Variants in CAMTA1 observed in about 807,000 individuals in gnomAD.
The protein encoded by CAMTA1 is calmodulin binding transcription activator 1.
CAMTA1 carries 27 observed loss-of-function variants against 170.9 expected under a neutral mutation model. The observed-to-expected ratio is 0.16, with a 90% CI of 0.12 to 0.22. The LOEUF (loss-of-function observed/expected upper bound fraction) is 0.22. Among genes scored for constraint, CAMTA1 ranks in the 10% least tolerant of loss-of-function variants. The probability of loss-of-function intolerance (pLI) is 1.00; values close to 1 mark genes in which losing one functional copy is unlikely to be tolerated. For synonymous variants in CAMTA1, 833 were observed against 891.5 expected, an observed-to-expected ratio of 0.93 and a Z score of 1.17; for missense variants, 1,619 against 2,217.2, an observed-to-expected ratio of 0.73 and a Z score of 5.42.
intron 5 of CAMTA1, among the ~76,000 whole-genome samples, chr1:7,275,632 T>C (rs1263084787): frequency 6.6e-6 from 1 of 152,062 alleles, no homozygotes; most frequent in African/African-American, 2.4e-5. Flanking sequence ...AAGGATATCA[T>C]GAAAATTTTA....
At chr1:7,678,614 A>G (rs2096149267) in intron 11 of CAMTA1, among the ~76,000 whole-genome samples, 1 of 152,182 alleles carries the variant, frequency 6.6e-6, no homozygotes, top group African/African-American at 2.4e-5. Flanking sequence ...GAGCTAGCCA[A>G]GGCCTGGGGG....
intron 4 of CAMTA1, among the ~76,000 whole-genome samples, chr1:7,126,708 C>G (rs1025835986): frequency 6.6e-6 from 1 of 152,190 alleles, no homozygotes; most frequent in Non-Finnish European, 1.5e-5. Context: ...GCTTGCAACA[C>G]CTATTTGGAA....
chr1:7,421,619 C>A (rs993964480), intron 5 of CAMTA1, among the ~76,000 whole-genome samples: 1 of 152,198 alleles, frequency 6.6e-6, no homozygotes, highest in Non-Finnish European at 1.5e-5. Flanking sequence ...ACGGCCTCCC[C>A]CTCTTGGGCT....
rs140951226 is a variant in CAMTA1, at chr1:6,918,780, C to T, written c.234+93570C>T. 3.3e-3 allele frequency among the ~76,000 whole-genome samples: 509 copies of T among 152,294 alleles called. 4 individuals are homozygous for T. Among genetic ancestry groups the T allele is most frequent in the Non-Finnish European group, 4.9e-3 (335 of 68,036 alleles). On this transcript the variant is annotated intron_variant, in intron 3 of 22. Coordinates refer to ENST00000303635, the MANE Select transcript of CAMTA1 (RefSeq NM_015215.4). This position sits in a 1 kb window ranked among gnomAD's most constrained non-coding sequence, Gnocchi z 4.0. ...AACACTCAAGTTCAGTCATGCCCACCGCGTTCCCCCAGCCTGTCACCCTGT... is the reference window on the plus strand; with the variant it reads ...AACACTCAAGTTCAGTCATGCCCACTGCGTTCCCCCAGCCTGTCACCCTGT...
chr1:6,936,533 C>A (rs1056895150), intron 3 of CAMTA1, among the ~76,000 whole-genome samples: 22 of 152,078 alleles, frequency 1.4e-4, no homozygotes, highest in Non-Finnish European at 2.8e-4. Context: ...GCTCATTTCT[C>A]CTGACCTTCT....
intron 6 of CAMTA1, among the ~76,000 whole-genome samples, chr1:7,577,514 A>G (rs899827651): frequency 4.6e-5 from 7 of 151,824 alleles, no homozygotes; most frequent in Non-Finnish European, 1.0e-4. Flanking sequence ...AGGAAGTCCC[A>G]TCTAGACACG....
At chr1:7,544,990 G>A (rs1320740400) in intron 6 of CAMTA1, among the ~76,000 whole-genome samples, 1 of 152,040 alleles carries the variant, frequency 6.6e-6, no homozygotes, top group Admixed American at 6.6e-5. Context: ...CCCCAACACT[G>A]CCACACTGGA....
intron 5 of CAMTA1, among the ~76,000 whole-genome samples, chr1:7,319,647 G>T (rs1678064532): frequency 6.6e-6 from 1 of 152,140 alleles, no homozygotes; most frequent in African/African-American, 2.4e-5. Flanking sequence ...CACATACTGG[G>T]CATCAGGATA....
At chr1:6,905,743 C>G (rs886737873) in intron 3 of CAMTA1, among the ~76,000 whole-genome samples, 1 of 152,204 alleles carries the variant, frequency 6.6e-6, no homozygotes, top group Non-Finnish European at 1.5e-5. Context: ...ATAGTTCATG[C>G]AAGTATCTGT....
chr1:7,376,781 C>T (rs757167789), intron 5 of CAMTA1, among the ~76,000 whole-genome samples: 36 of 152,148 alleles, frequency 2.4e-4, no homozygotes, highest in Non-Finnish European at 4.0e-4. Flanking sequence ...CTCTTTTGCC[C>T]TGGAGATGGA....
intron 6 of CAMTA1, among the ~76,000 whole-genome samples, chr1:7,479,572 C>T (rs74053033): frequency 0.017 from 2,617 of 152,308 alleles, 72 homozygotes; most frequent in African/African-American, 0.06. Context: ...CAGCCATGAG[C>T]CCAGGGTGTG....
intron 4 of CAMTA1, among the ~76,000 whole-genome samples, chr1:7,145,576 C>T (rs952617621): frequency 6.6e-6 from 1 of 152,132 alleles, no homozygotes. Flanking sequence ...TAAAGCCCTT[C>T]CTAGCCTTCC....
intron 6 of CAMTA1, among the ~76,000 whole-genome samples, chr1:7,481,740 A>C (rs1290505158): frequency 6.6e-6 from 1 of 150,778 alleles, no homozygotes; most frequent in Non-Finnish European, 1.5e-5. Context: ...GCCACAGCAC[A>C]CCTCCCCCAA....
intron 3 of CAMTA1, among the ~76,000 whole-genome samples, chr1:6,837,781 A>G (rs1472444932): frequency 6.6e-6 from 1 of 152,092 alleles, no homozygotes; most frequent in Non-Finnish European, 1.5e-5. Flanking sequence ...AATTATTATT[A>G]ATCAAATTTT....
chr1:7,466,145 C>T (rs906160765), intron 5 of CAMTA1, among the ~76,000 whole-genome samples: 2 of 152,188 alleles, frequency 1.3e-5, no homozygotes, highest in African/African-American at 2.4e-5. Flanking sequence ...CAACCAAACG[C>T]TTAGACAAAA....
intron 4 of CAMTA1, among the ~76,000 whole-genome samples, chr1:7,206,193 A>G (rs996192892): frequency 1.3e-5 from 2 of 152,194 alleles, no homozygotes; most frequent in African/African-American, 4.8e-5. Flanking sequence ...ATTTTCCCAC[A>G]TGAACTATAG....
chr1:7,702,154 A>T (rs55858937), intron 11 of CAMTA1, among the ~76,000 whole-genome samples: 1,622 of 151,884 alleles, frequency 0.011, 18 homozygotes, highest in African/African-American at 0.037. Flanking sequence ...CAGGCTCCTG[A>T]CCCCAACCCA....
At chr1:7,337,631 C>T (rs920196126) in intron 5 of CAMTA1, among the ~76,000 whole-genome samples, 2 of 151,718 alleles carry the variant, frequency 1.3e-5, no homozygotes, top group African/African-American at 4.9e-5. Flanking sequence ...GGCGGTGGGC[C>T]TCATCCAATC....
chr1:7,215,793 G>A (rs1206394350), intron 4 of CAMTA1, among the ~76,000 whole-genome samples: 1 of 152,150 alleles, frequency 6.6e-6, no homozygotes, highest in Non-Finnish European at 1.5e-5. Flanking sequence ...TTATTAGACT[G>A]TGATCAGAAA....
Sources: gnomAD v4.1 joint callset for allele counts (sites outside exome capture counted in the v4.1 genomes callset) on GRCh38, gnomAD v4.1.1 for gene constraint, Gnocchi (gnomAD v3.1) non-coding constraint, MANE v1.5 for transcripts, NCBI Gene and HGNC (gene_info 2026-07-23, HGNC 2026-07-21) for gene names.